LGSN: variants seen among roughly 807,000 people sequenced by gnomAD.
LGSN encodes the protein lengsin, lens protein with glutamine synthetase domain.
Under a neutral mutation model 19.5 loss-of-function variants are expected in LGSN, and 21 were observed. That is an observed-to-expected ratio of 1.07 (90% CI 0.76 to 1.55). The LOEUF is 1.55. LGSN is among the 40% of genes most tolerant of loss of function. The probability of loss-of-function intolerance (pLI) is 0.00; values close to 1 mark genes in which losing one functional copy is unlikely to be tolerated. For missense variants in LGSN, 673 were observed against 608.5 expected, an observed-to-expected ratio of 1.11 and a Z score of -1.12; for synonymous variants, 257 against 215.6, an observed-to-expected ratio of 1.19 and a Z score of -1.68.
chr6:63,315,969 G>T (rs182297869), intron 1 of LGSN, among the ~76,000 whole-genome samples: 1 of 151,400 alleles, frequency 6.6e-6, no homozygotes, highest in African/African-American at 2.4e-5. Flanking sequence ...CAGATAAATT[G>T]CTTGGAATTT....
the LGSN span, among the ~76,000 whole-genome samples, chr6:63,362,233 G>A: frequency 6.6e-6 from 1 of 152,118 alleles, no homozygotes; most frequent in Non-Finnish European, 1.5e-5. Flanking sequence ...ACAGAAACCA[G>A]TAAGAGGAGA....
the LGSN span, among the ~76,000 whole-genome samples, chr6:63,389,948 A>T: frequency 6.6e-5 from 10 of 152,030 alleles, no homozygotes; most frequent in Middle Eastern, 3.4e-3. Context: ...ACAAAAAAAA[A>T]TGGTGAGAGA....
intron 1 of LGSN, among the ~76,000 whole-genome samples, chr6:63,303,132 G>A (rs1188292178): frequency 2.0e-5 from 3 of 152,078 alleles, no homozygotes; most frequent in African/African-American, 7.2e-5. Context: ...ACTATTCTAA[G>A]TTGCCAAAGT....
the LGSN span, among the ~76,000 whole-genome samples, chr6:63,567,877 C>T: frequency 6.6e-6 from 1 of 152,254 alleles, no homozygotes; most frequent in Non-Finnish European, 1.5e-5. Context: ...TCAGCACTTA[C>T]TGCTTCACCT....
the LGSN span, among the ~76,000 whole-genome samples, chr6:63,425,781 G>A: frequency 6.6e-6 from 1 of 151,604 alleles, no homozygotes; most frequent in Non-Finnish European, 1.5e-5. Flanking sequence ...AGACAAGCCT[G>A]GGCAACATAG....
the LGSN span, among the ~76,000 whole-genome samples, chr6:63,496,363 C>T: frequency 1.3e-5 from 2 of 152,162 alleles, no homozygotes; most frequent in Admixed American, 6.6e-5. Context: ...GCCATAGCCA[C>T]TAGGACAATG....
intron 1 of LGSN, among the ~76,000 whole-genome samples, chr6:63,304,914 T>C (rs540844195): frequency 2.4e-4 from 36 of 152,152 alleles, no homozygotes; most frequent in Admixed American, 2.1e-3. Context: ...AAAATAATGG[T>C]AATAGGAAGT....
chr6:63,563,091 C>T, the LGSN span, among the ~76,000 whole-genome samples: 11,434 of 152,306 alleles, frequency 0.075, 478 homozygotes, highest in East Asian at 0.16. Flanking sequence ...TCAACACCAA[C>T]ATTGTCTTCC....
At chr6:63,475,011 T>C in the LGSN span, among the ~76,000 whole-genome samples, 70,442 of 151,900 alleles carry the variant, frequency 0.46, 18,165 homozygotes, top group Non-Finnish European at 0.56. Context: ...AAGTTTAATA[T>C]GCAAACGAAA....
the LGSN span, among the ~76,000 whole-genome samples, chr6:63,448,448 A>T: frequency 6.6e-6 from 1 of 152,100 alleles, no homozygotes. Context: ...ACAACTTTCT[A>T]GGGCATTTCA....
the LGSN span, among the ~76,000 whole-genome samples, chr6:63,431,714 T>A: frequency 6.6e-6 from 1 of 152,202 alleles, no homozygotes; most frequent in Non-Finnish European, 1.5e-5. Flanking sequence ...TCCTGATTAT[T>A]ATGACTGTAA....
At chr6:63,285,876 C>G in intron 2 of LGSN, 123 bp from the exon 3 acceptor site, 1 of 740,032 alleles carries the variant, frequency 1.4e-6, no homozygotes, top group Non-Finnish European at 2.2e-6. Context: ...CATCATGTCA[C>G]TGGCTTAGAG....
At chr6:63,297,113 G>A (rs972044171) in intron 1 of LGSN, among the ~76,000 whole-genome samples, 2 of 152,142 alleles carry the variant, frequency 1.3e-5, no homozygotes, top group South Asian at 2.1e-4. Context: ...AGGCCAAGGC[G>A]GGTGGATCAC....
chr6:63,308,527 A>G (rs1468358385), intron 1 of LGSN, among the ~76,000 whole-genome samples: 1 of 152,170 alleles, frequency 6.6e-6, no homozygotes, highest in Non-Finnish European at 1.5e-5. Context: ...TTTCCAATAT[A>G]ATAATGAGTT....
the LGSN span, among the ~76,000 whole-genome samples, chr6:63,326,433 C>A: frequency 1.3e-5 from 2 of 152,226 alleles, no homozygotes; most frequent in Non-Finnish European, 2.9e-5. Context: ...GCCTGCCAGT[C>A]CCGTGCCATG....
At chr6:63,442,944 C>A in the LGSN span, among the ~76,000 whole-genome samples, 1 of 152,234 alleles carries the variant, frequency 6.6e-6, no homozygotes, top group Non-Finnish European at 1.5e-5. Context: ...GCCCACCAGT[C>A]ACCCACCCAC....
At chr6:63,400,434 T>C in the LGSN span, among the ~76,000 whole-genome samples, 3 of 152,226 alleles carry the variant, frequency 2.0e-5, no homozygotes, top group African/African-American at 7.2e-5. Flanking sequence ...CTCCAGGACA[T>C]TTAATGAGCA....
chr6:63,466,472 T>C, the LGSN span, among the ~76,000 whole-genome samples: 5 of 152,176 alleles, frequency 3.3e-5, no homozygotes, highest in African/African-American at 1.2e-4. Flanking sequence ...TAATGGATGC[T>C]CTGGCTACTG....
the LGSN span, among the ~76,000 whole-genome samples, chr6:63,480,994 C>CACACAT: frequency 8.4e-6 from 1 of 119,156 alleles, no homozygotes; most frequent in African/African-American, 3.0e-5. Context: ...TATACACACA[C>CACACAT]ACATACATAC....
Sources: gnomAD v4.1 joint callset for allele counts (sites outside exome capture counted in the v4.1 genomes callset) on GRCh38, gnomAD v4.1.1 for gene constraint, MANE v1.5 for transcripts, NCBI Gene and HGNC (gene_info 2026-07-23, HGNC 2026-07-21) for gene names.